The following CNTN4 variants were observed in gnomAD, a reference collection of about 807,000 sequenced individuals.
CNTN4 encodes contactin 4, also known as contactin-4.
In CNTN4, 77 loss-of-function variants were observed where a neutral mutation model predicts 122.5. That is an observed-to-expected ratio of 0.63 (90% CI 0.52 to 0.76). CNTN4 has a LOEUF of 0.76. Ranked by LOEUF, CNTN4 falls within the 30% of genes least tolerant of loss-of-function variation. The pLI, the probability that CNTN4 is intolerant of heterozygous loss-of-function variation, is 0.00. For missense variants in CNTN4, 1,256 were observed against 1,259.1 expected (o/e 1.00, Z 0.04); for synonymous variants, 512 against 447.0 (o/e 1.15, Z -1.83).
At chr3:2,713,017 G>T (rs998243764) in intron 4 of CNTN4, among the ~76,000 whole-genome samples, 1 of 152,238 alleles carries the variant, frequency 6.6e-6, no homozygotes, top group South Asian at 2.1e-4. Flanking sequence ...CAAACATTGC[G>T]TTCCCCTGTG....
intron 3 of CNTN4, among the ~76,000 whole-genome samples, 188 bp downstream of exon 3, chr3:2,339,421 A>G (rs1374383923): frequency 6.6e-6 from 1 of 152,228 alleles, no homozygotes; most frequent in African/African-American, 2.4e-5. Context: ...AAACTAAGAA[A>G]TAGGGACTAT....
intron 16 of CNTN4, among the ~76,000 whole-genome samples, chr3:3,033,425 T>A (rs988240626): frequency 3.9e-5 from 6 of 152,244 alleles, no homozygotes; most frequent in Non-Finnish European, 7.3e-5. Flanking sequence ...ATTTAGGGCA[T>A]CACGTAAACG....
At chr3:2,492,092 C>T (rs1038229983) in intron 3 of CNTN4, among the ~76,000 whole-genome samples, 1 of 152,000 alleles carries the variant, frequency 6.6e-6, no homozygotes, top group Non-Finnish European at 1.5e-5. Flanking sequence ...TCAATAATAA[C>T]TCGAAATAAT....
At chr3:2,297,454 G>A (rs2042354413) in intron 2 of CNTN4, among the ~76,000 whole-genome samples, 1 of 152,138 alleles carries the variant, frequency 6.6e-6, no homozygotes, top group African/African-American at 2.4e-5. Context: ...TGAAAACAGT[G>A]AGATAAGATA....
At chr3:2,715,040 A>G (rs987386372) in intron 4 of CNTN4, among the ~76,000 whole-genome samples, 9 of 152,204 alleles carry the variant, frequency 5.9e-5, no homozygotes, top group African/African-American at 1.9e-4. Flanking sequence ...GCAGCTTTCT[A>G]CATATATCGT....
intron 6 of CNTN4, among the ~76,000 whole-genome samples, chr3:2,782,466 T>TGG (rs1491235396): frequency 3.0e-4 from 1 of 3,330 alleles, no homozygotes; most frequent in African/African-American, 1.2e-3. Context: ...CTTCTTATTC[T>TGG]GTGTGTGTGT....
At chr3:2,428,929 C>G (rs1450458979) in intron 3 of CNTN4, among the ~76,000 whole-genome samples, 5 of 152,160 alleles carry the variant, frequency 3.3e-5, no homozygotes, top group Non-Finnish European at 5.9e-5. Flanking sequence ...TCCATCAGGT[C>G]ATTTAAGGAC....
chr3:2,550,288 A>G (rs1460174535), intron 3 of CNTN4, among the ~76,000 whole-genome samples: 1 of 152,128 alleles, frequency 6.6e-6, no homozygotes, highest in Middle Eastern at 3.4e-3. Context: ...TAATTTTGAT[A>G]TTAGGTGAAC....
chr3:2,958,058 G>A (rs76843797), intron 13 of CNTN4, among the ~76,000 whole-genome samples: 1,864 of 152,234 alleles, frequency 0.012, 45 homozygotes, highest in African/African-American at 0.042. Context: ...GTATTTCTCT[G>A]ATGGGAGGCT....
At chr3:2,186,292 G>A (rs2037261860) in intron 2 of CNTN4, among the ~76,000 whole-genome samples, 1 of 152,072 alleles carries the variant, frequency 6.6e-6, no homozygotes, top group Non-Finnish European at 1.5e-5. Context: ...AGTATTTCAT[G>A]GTGTATATGT....
intron 13 of CNTN4, among the ~76,000 whole-genome samples, chr3:2,971,066 C>T (rs1692867256): frequency 6.6e-6 from 1 of 152,272 alleles, no homozygotes; most frequent in Admixed American, 6.5e-5. Context: ...GGATTACAGG[C>T]CTGAGCCAGC....
chr3:2,996,824 T>A (rs140766351), intron 14 of CNTN4, among the ~76,000 whole-genome samples: 78 of 152,308 alleles, frequency 5.1e-4, no homozygotes, highest in African/African-American at 1.7e-3. Context: ...TAGCTATGAA[T>A]GCGATAAAAT....
At chr3:2,354,595 A>G in intron 3 of CNTN4, among the ~76,000 whole-genome samples, 1 of 152,202 alleles carries the variant, frequency 6.6e-6, no homozygotes, top group East Asian at 1.9e-4. Flanking sequence ...GCTTCAAGAA[A>G]TGCACCCACC....
At chr3:2,649,896 A>G (rs1277250398) in intron 4 of CNTN4, among the ~76,000 whole-genome samples, 10 of 151,822 alleles carry the variant, frequency 6.6e-5, no homozygotes, top group Non-Finnish European at 1.5e-5. Flanking sequence ...TGAGAGGCTG[A>G]GGCAGGCGGA....
At chr3:2,931,072 A>C (rs1376651028) in intron 13 of CNTN4, among the ~76,000 whole-genome samples, 1 of 152,212 alleles carries the variant, frequency 6.6e-6, no homozygotes, top group African/African-American at 2.4e-5. Flanking sequence ...AGTCATATGC[A>C]TGCTACAGAA....
chr3:2,405,227 G>C (rs968489386), intron 3 of CNTN4, among the ~76,000 whole-genome samples: 3 of 152,126 alleles, frequency 2.0e-5, no homozygotes, highest in Non-Finnish European at 2.9e-5. Flanking sequence ...CTCTTGGTCA[G>C]TATGGTACAT....
At chr3:2,811,028 A>G (rs1362372950) in intron 6 of CNTN4, among the ~76,000 whole-genome samples, 23 of 136,612 alleles carry the variant, frequency 1.7e-4, no homozygotes, top group Middle Eastern at 3.8e-3. Flanking sequence ...AAAAAAAAAG[A>G]AAAAAAAAAA....
intron 12 of CNTN4, among the ~76,000 whole-genome samples, chr3:2,905,149 G>A (rs766539444): frequency 5.3e-5 from 8 of 152,084 alleles, no homozygotes; most frequent in Admixed American, 1.3e-4. Context: ...TTTACATTAA[G>A]GAGTTTATTT....
chr3:2,379,754 G>T (rs1201661324), intron 3 of CNTN4, among the ~76,000 whole-genome samples: 1 of 152,002 alleles, frequency 6.6e-6, no homozygotes, highest in Non-Finnish European at 1.5e-5. Context: ...ACTACTGTGG[G>T]TTATAAGAAT....
Sources: allele counts gnomAD v4.1 joint callset (sites outside exome capture counted in the v4.1 genomes callset), GRCh38; gene constraint gnomAD v4.1.1; transcripts MANE v1.5; gene names NCBI Gene and HGNC (gene_info 2026-07-23, HGNC 2026-07-21).